The following ADIPOQ variants were observed in gnomAD, a reference collection of about 807,000 sequenced individuals.
ADIPOQ encodes adiponectin.
In ADIPOQ, 19 loss-of-function variants were observed where a neutral mutation model predicts 16.1. That is an observed-to-expected ratio of 1.18 (90% CI 0.82 to 1.73). The LOEUF is 1.73. Ranked by LOEUF, ADIPOQ falls within the 40% of genes most tolerant of loss-of-function variation. The pLI, the probability that ADIPOQ is intolerant of heterozygous loss-of-function variation, is 0.00. For missense variants in ADIPOQ, 323 were observed against 308.3 expected (o/e 1.05, Z -0.36); for synonymous variants, 124 against 125.5 (o/e 0.99, Z 0.08).
intron 1 of ADIPOQ, among the ~76,000 whole-genome samples, chr3:186,849,739 G>C (rs1480625791): frequency 6.6e-6 from 1 of 152,090 alleles, no homozygotes; most frequent in Non-Finnish European, 1.5e-5. Context: ...CCTGATATTT[G>C]ATAAATGATG....
intron 1 of ADIPOQ, among the ~76,000 whole-genome samples, chr3:186,846,359 G>C (rs1424797030): frequency 6.6e-6 from 1 of 151,928 alleles, no homozygotes; most frequent in Non-Finnish European, 1.5e-5. Flanking sequence ...AGCCTCCTGA[G>C]TACCTGGGAT....
intron 1 of ADIPOQ, among the ~76,000 whole-genome samples, chr3:186,843,826 C>T (rs575780712): frequency 1.3e-5 from 2 of 152,198 alleles, no homozygotes; most frequent in Non-Finnish European, 2.9e-5. Flanking sequence ...TCCTGCTCGC[C>T]CCAGTGAGTG....
chr3:186,845,100 G>A (rs1218100131), intron 1 of ADIPOQ, among the ~76,000 whole-genome samples: 2 of 151,862 alleles, frequency 1.3e-5, no homozygotes, highest in Non-Finnish European at 2.9e-5. Flanking sequence ...GGATGGGTGT[G>A]TATGTGTGGG....
intron 1 of ADIPOQ, among the ~76,000 whole-genome samples, chr3:186,850,112 A>G (rs1028624018): frequency 2.0e-5 from 3 of 152,044 alleles, no homozygotes; most frequent in Non-Finnish European, 1.5e-5. Flanking sequence ...CTACTAAAAA[A>G]TGCAAAAATT....
chr3:186,846,254 T>TA (rs1467276561), intron 1 of ADIPOQ, among the ~76,000 whole-genome samples: 2 of 151,306 alleles, frequency 1.3e-5, no homozygotes, highest in Non-Finnish European at 2.9e-5. Context: ...TTGTATACTT[T>TA]TTTTTTTTTG....
At chr3:186,848,224 A>G (rs538885227) in intron 1 of ADIPOQ, among the ~76,000 whole-genome samples, 42 of 131,518 alleles carry the variant, frequency 3.2e-4, no homozygotes, top group African/African-American at 1.1e-3. Context: ...GAAGGAAGGA[A>G]GGAAAGAAGG....
chr3:186,846,289 A>G (rs982255743), intron 1 of ADIPOQ, among the ~76,000 whole-genome samples: 1 of 150,534 alleles, frequency 6.6e-6, no homozygotes, highest in African/African-American at 2.5e-5. Context: ...TCTGTCACCC[A>G]GGTTGGAGTG....
At position 186,854,614 on chromosome 3, in the gene ADIPOQ, G is replaced by A; in HGVS notation, c.645G>A (p.Val215=). Residue 215 remains valine (V), a synonymous_variant, in exon 3 of 3, where the codon GTG becomes GTA. Coordinates refer to ENST00000320741, the MANE Select transcript of ADIPOQ (RefSeq NM_004797.4). The stretch of plus-strand genomic sequence containing the variant: ...TGGGCGACCAAGTCTGGCTCCAGGT[G>A]TATGGGGAAGGAGAGCGTAATGGAC... ...LEVGDQVWLQ[V]YGEGERNGLY... 2 of 1,614,152 alleles carry A rather than the reference G, an allele frequency of 1.2e-6. No individual in the cohort carries two copies. The highest frequency in any genetic ancestry group is 1.1e-5 in the South Asian group (1 of 91,074).
chr3:186,848,187 A>AAAAAG (rs10662925), intron 1 of ADIPOQ, among the ~76,000 whole-genome samples: 1 of 131,804 alleles, frequency 7.6e-6, no homozygotes, highest in Non-Finnish European at 1.6e-5. Context: ...ACAAAAAAAA[A>AAAAAG]AGAGAGAGAG....
rs947543464 is a variant in ADIPOQ at position 186,858,209 on chromosome 3, A to C, written c.*3505A>C. 1 of 152,144 alleles carries C rather than the reference A, an allele frequency of 6.6e-6. No homozygotes were observed. The highest frequency in any genetic ancestry group is 1.5e-5 in the Non-Finnish European group (1 of 68,042). The allele number at this position is 152,144 out of a possible 1,614,324, so 9.4% of individuals were successfully genotyped here. ...TTGGTTTCAAACTCCTGACTTTGTG[A>C]TCCACCCGCCTCGGCCTCCCAAAGT... On this transcript the variant is annotated 3_prime_UTR_variant, in exon 3 of 3. Transcript: ENST00000320741.
At chr3:186,851,723 C>T (rs1044242463) in intron 1 of ADIPOQ, among the ~76,000 whole-genome samples, 2 of 151,892 alleles carry the variant, frequency 1.3e-5, no homozygotes, top group Non-Finnish European at 2.9e-5. Flanking sequence ...TATTTAGTCC[C>T]TACTCTGCTA....
intron 1 of ADIPOQ, among the ~76,000 whole-genome samples, chr3:186,849,978 A>G (rs928063255): frequency 2.6e-5 from 4 of 152,306 alleles, no homozygotes; most frequent in Admixed American, 2.6e-4. Context: ...TTTAACACTT[A>G]GAGGCAAGGA....
chr3:186,850,004 C>A (rs1711693447), intron 1 of ADIPOQ, among the ~76,000 whole-genome samples: 1 of 152,200 alleles, frequency 6.6e-6, no homozygotes, highest in Non-Finnish European at 1.5e-5. Flanking sequence ...CGTGGTGGCT[C>A]ATGCTTTTAA....
At chr3:186,848,089 G>GT (rs931176959) in intron 1 of ADIPOQ, among the ~76,000 whole-genome samples, 9 of 151,704 alleles carry the variant, frequency 5.9e-5, no homozygotes, top group African/African-American at 2.2e-4. Context: ...AGGAGCATCA[G>GT]TTGAACCCAG....
In ADIPOQ at chr3:186,844,045, C is replaced by T. The variant is rs149523147; in HGVS notation, c.-9+1296C>T. Among the ~76,000 whole-genome samples the T allele has an allele frequency of 3.5e-3, 539 of 152,260 alleles. 4 individuals are homozygous for T. Among genetic ancestry groups the T allele is most frequent in the African/African-American group, 0.012 (503 of 41,526 alleles). On this transcript the variant is annotated intron_variant, in intron 1 of 2. Coordinates refer to ENST00000320741, the MANE Select transcript of ADIPOQ (RefSeq NM_004797.4). ...GAAGGAAGGCCAGCTCTGCCTAATT[C>T]GGTTGGGGAGATGGGGGTCCCTTTA...
intron 1 of ADIPOQ, among the ~76,000 whole-genome samples, chr3:186,851,545 C>G (rs1711768163): frequency 6.6e-6 from 1 of 152,142 alleles, no homozygotes; most frequent in Non-Finnish European, 1.5e-5. Context: ...ACCTGTGCCA[C>G]TTGAGCTCTT....
At position 186,847,388 on chromosome 3, in the gene ADIPOQ, T is replaced by A. The variant is rs535036152; in HGVS notation, c.-9+4639T>A. On this transcript the variant is annotated intron_variant, in intron 1 of 2. Coordinates refer to ENST00000320741, the MANE Select transcript of ADIPOQ (RefSeq NM_004797.4). ...TTAATTTTAATACAGATAAAATAGA[T>A]CCCTTTGTTTTATAAAAAGTAACAA... Among the ~76,000 whole-genome samples the A allele has an allele frequency of 7.2e-5, 11 of 152,348 alleles. No homozygotes were observed. In the South Asian group the frequency reaches 2.1e-3, roughly 29 times the overall value.
Position 186,854,821 on chromosome 3 carries a change from C to A in ADIPOQ, c.*117C>A, listed in dbSNP as rs1030524980. The A allele has an allele frequency of 3.0e-6, 4 of 1,345,882 alleles. No individual in the cohort carries two copies. Among genetic ancestry groups the A allele is most frequent in the Non-Finnish European group, 2.1e-6 (2 of 959,452 alleles). 83.4% of individuals were successfully genotyped at this position (1,345,882 alleles called of 1,614,324 possible). Reference sequence around the variant, plus strand: ...TGGAGGCCTTTAGATATTATTCATTCATTTACTCATTCATTTATTCATTCA... The same window carrying A: ...TGGAGGCCTTTAGATATTATTCATTAATTTACTCATTCATTTATTCATTCA... On this transcript the variant is annotated 3_prime_UTR_variant, in exon 3 of 3. Coordinates refer to ENST00000320741, the MANE Select transcript of ADIPOQ (RefSeq NM_004797.4).
At chr3:186,846,317 C>T (rs912929431) in intron 1 of ADIPOQ, among the ~76,000 whole-genome samples, 2 of 151,898 alleles carry the variant, frequency 1.3e-5, no homozygotes, top group African/African-American at 4.8e-5. Flanking sequence ...ATGCAAATTC[C>T]GCCTCCCAGG....
Sources: allele counts gnomAD v4.1 joint callset (sites outside exome capture counted in the v4.1 genomes callset), GRCh38; gene constraint gnomAD v4.1.1; transcripts MANE v1.5; gene names NCBI Gene and HGNC (gene_info 2026-07-23, HGNC 2026-07-21).